VPS13B: variants seen among roughly 807,000 people sequenced by gnomAD.
VPS13B encodes the protein vacuolar protein sorting 13 homolog B, also known as intermembrane lipid transfer protein VPS13B.
A neutral mutation model predicts 426.4 loss-of-function variants in VPS13B; 285 were observed. The observed-to-expected ratio is 0.67, with a 90% CI of 0.61 to 0.74. VPS13B has a LOEUF of 0.74. Among genes scored for constraint, VPS13B ranks in the 30% least tolerant of loss-of-function variants. The probability of loss-of-function intolerance (pLI) is 0.00; values close to 1 mark genes in which losing one functional copy is unlikely to be tolerated. For missense variants in VPS13B, 4,537 were observed against 4,782.6 expected (o/e 0.95, Z 1.51); for synonymous variants, 1,676 against 1,676.4 (o/e 1.00, Z 0.01).
intron 17 of VPS13B, among the ~76,000 whole-genome samples, chr8:99,234,612 A>G (rs541550592): frequency 2.6e-5 from 4 of 152,386 alleles, no homozygotes; most frequent in Non-Finnish European, 2.9e-5. Context: ...GCGCTCGCGC[A>G]GTCCCTAGTA....
intron 27 of VPS13B, among the ~76,000 whole-genome samples, chr8:99,503,705 A>G (rs531185392): frequency 3.3e-5 from 5 of 152,334 alleles, no homozygotes; most frequent in African/African-American, 1.2e-4. Flanking sequence ...ATGAGATTAT[A>G]GCAATTCAGC....
Position 99,143,100 on chromosome 8 carries a change from G to A in VPS13B, c.1778G>A (p.Arg593Lys), listed in dbSNP as rs1362741154. The A allele has an allele frequency of 4.3e-6, 7 of 1,613,992 alleles. No homozygotes were observed. The highest frequency in any genetic ancestry group is 5.9e-6 in the Non-Finnish European group (7 of 1,179,952). ...DFRLDSSAVH[R>K]ILKMIVCALE... ...CGTTTGGATAGCAGTGCGGTGCATAGGATTTTGAAAATGATTGTGTGTGCC... is the reference window on the plus strand; with the variant it reads ...CGTTTGGATAGCAGTGCGGTGCATAAGATTTTGAAAATGATTGTGTGTGCC... Residue 593 changes from arginine (R) to lysine (K), a missense_variant, in exon 13 of 62, where the codon AGG becomes AAG. Arg to Lys is a conservative substitution (Grantham distance 26, BLOSUM62 2). Around this residue, in one of 2 missense-constraint regions of VPS13B, gnomAD observed 4,311 missense variants for 4,474.3 expected, o/e 0.96. Transcript: ENST00000357162.
intron 31 of VPS13B, 74 bp downstream of exon 31, chr8:99,556,727 G>C: frequency 2.0e-6 from 3 of 1,514,644 alleles, no homozygotes; most frequent in Non-Finnish European, 2.7e-6. Flanking sequence ...ACAATCTTTA[G>C]CATGTCCAAC....
chr8:99,423,800 T>A (rs139180439), intron 21 of VPS13B, among the ~76,000 whole-genome samples: 1,936 of 152,306 alleles, frequency 0.013, 47 homozygotes, highest in African/African-American at 0.044. Context: ...TCTGTCCTTT[T>A]ACATTTGTTG....
chr8:99,518,602 C>A (rs1822213377), intron 29 of VPS13B, among the ~76,000 whole-genome samples: 4 of 152,096 alleles, frequency 2.6e-5, no homozygotes, highest in Admixed American at 2.0e-4. Context: ...CCTTTCCCTC[C>A]TCCCTTCATG....
chr8:99,081,346 C>T (rs1357771179), intron 3 of VPS13B, among the ~76,000 whole-genome samples: 1 of 152,130 alleles, frequency 6.6e-6, no homozygotes, highest in Non-Finnish European at 1.5e-5. Flanking sequence ...CTCCCCCATC[C>T]TCAATGTTTT....
At chr8:99,576,401 A>G (rs535781137) in intron 32 of VPS13B, among the ~76,000 whole-genome samples, 22 of 151,920 alleles carry the variant, frequency 1.4e-4, no homozygotes, top group Non-Finnish European at 1.8e-4. Flanking sequence ...CTGAATTGGT[A>G]TACTTTTTTC....
intron 22 of VPS13B, among the ~76,000 whole-genome samples, chr8:99,436,696 A>G (rs1817396187): frequency 6.6e-6 from 1 of 152,138 alleles, no homozygotes; most frequent in Non-Finnish European, 1.5e-5. Context: ...TTCTCATTAA[A>G]TGATTACAAT....
At chr8:99,079,271 TG>T (rs1311867448) in intron 3 of VPS13B, among the ~76,000 whole-genome samples, 4 of 151,984 alleles carry the variant, frequency 2.6e-5, no homozygotes, top group Non-Finnish European at 5.9e-5. Context: ...GGGGTGGTCT[TG>T]TTGTCAGGCC....
At chr8:99,508,374 C>T (rs1333279402) in intron 28 of VPS13B, among the ~76,000 whole-genome samples, 1 of 152,142 alleles carries the variant, frequency 6.6e-6, no homozygotes, top group Non-Finnish European at 1.5e-5. Flanking sequence ...GAACACAAGG[C>T]TGTATCAGTG....
At chr8:99,263,734 C>G (rs1433208379) in intron 17 of VPS13B, among the ~76,000 whole-genome samples, 3 of 152,142 alleles carry the variant, frequency 2.0e-5, no homozygotes, top group African/African-American at 4.8e-5. Flanking sequence ...GATCATCTCC[C>G]TATTTCAAGG....
chr8:99,067,756 A>G (rs1381972715), intron 3 of VPS13B, among the ~76,000 whole-genome samples: 1 of 152,222 alleles, frequency 6.6e-6, no homozygotes, highest in Non-Finnish European at 1.5e-5. Flanking sequence ...CTTTACTTCA[A>G]TTCCTTAAAG....
chr8:99,587,021 G>C (rs982541123), intron 33 of VPS13B, among the ~76,000 whole-genome samples: 1 of 152,024 alleles, frequency 6.6e-6, no homozygotes, highest in Non-Finnish European at 1.5e-5. Context: ...CCTGCCCTGT[G>C]TCCAAGTGTT....
At chr8:99,634,751 G>T (rs1342960581) in intron 33 of VPS13B, among the ~76,000 whole-genome samples, 1 of 151,718 alleles carries the variant, frequency 6.6e-6, no homozygotes, top group Non-Finnish European at 1.5e-5. Context: ...AACATTAATT[G>T]GTGACACTAA....
chr8:99,139,434 CTTTTTTT>C (rs368548690), intron 12 of VPS13B, among the ~76,000 whole-genome samples: 2 of 135,676 alleles, frequency 1.5e-5, no homozygotes, highest in Non-Finnish European at 1.6e-5. Context: ...TTGATATTTC[CTTTTTTT>C]TTTTTTTTTT....
intron 21 of VPS13B, among the ~76,000 whole-genome samples, chr8:99,409,521 G>C (rs147594110): frequency 6.6e-6 from 1 of 152,030 alleles, no homozygotes; most frequent in Non-Finnish European, 1.5e-5. Context: ...ATGTACAATT[G>C]TATACTTAGT....
intron 8 of VPS13B, among the ~76,000 whole-genome samples, chr8:99,133,643 T>C (rs1001950180): frequency 6.6e-6 from 1 of 152,138 alleles, no homozygotes; most frequent in Admixed American, 6.6e-5. Flanking sequence ...CTTAGACCAT[T>C]GTAATATTAC....
intron 37 of VPS13B, 33 bp downstream of exon 37, chr8:99,717,406 G>A (rs1588651455): frequency 3.8e-6 from 6 of 1,563,162 alleles, no homozygotes; most frequent in South Asian, 1.1e-5. Flanking sequence ...TTTTTCATAG[G>A]TTATTAACTA....
At position 99,853,886 on chromosome 8, in the gene VPS13B, T is replaced by G. The variant is rs781420614; in HGVS notation, c.10497T>G (p.Phe3499Leu). 2.0e-5 allele frequency: 32 copies of G among 1,614,122 alleles called. No homozygotes were observed. In the Admixed American group the frequency reaches 5.2e-4, roughly 26 times the overall value. ...SILCDINEFS[F>L]ELKPARLYVE... Reference sequence around the variant, plus strand: ...TCTGTGATATTAATGAGTTCAGCTTTGAATTAAAACCTGCTCGGTTATACG... The same window carrying G: ...TCTGTGATATTAATGAGTTCAGCTTGGAATTAAAACCTGCTCGGTTATACG... The change falls in exon 56 of 62, where the codon TTT becomes TTG. Residue 3499 changes from phenylalanine (F) to leucine (L), a missense_variant. Around this residue, in one of 2 missense-constraint regions of VPS13B, gnomAD observed 4,311 missense variants for 4,474.3 expected, o/e 0.96. Coordinates refer to ENST00000357162, the MANE Select transcript of VPS13B (RefSeq NM_152564.5).
Sources: allele counts gnomAD v4.1 joint callset (sites outside exome capture counted in the v4.1 genomes callset), GRCh38; gene constraint gnomAD v4.1.1; regional missense constraint gnomAD v4.1.1; transcripts MANE v1.5; gene names NCBI Gene and HGNC (gene_info 2026-07-23, HGNC 2026-07-21).